Variants in RIT2 observed in about 807,000 individuals in gnomAD.
RIT2 encodes the protein Ras like without CAAX 2.
In RIT2, 24 loss-of-function variants were observed where a neutral mutation model predicts 23.7. That is an observed-to-expected ratio of 1.01 (90% CI 0.73 to 1.43). RIT2 has a LOEUF of 1.43. Among genes scored for constraint, RIT2 ranks in the 40% most tolerant of loss-of-function variants. RIT2 has a pLI of 0.00. For synonymous variants in RIT2, 107 were observed against 91.1 expected, an observed-to-expected ratio of 1.17 and a Z score of -0.99; for missense variants, 236 against 266.9, an observed-to-expected ratio of 0.88 and a Z score of 0.81.
rs1912493719 is a variant in RIT2 at position 43,055,997 on chromosome 18, T to C, written c.104-22130A>G. Among the ~76,000 whole-genome samples, 3 of 152,090 alleles carry C rather than the reference T, an allele frequency of 2.0e-5. No homozygotes were observed. In the South Asian group the frequency reaches 6.2e-4, roughly 32 times the overall value. On this transcript the variant is annotated intron_variant, in intron 1 of 4. Coordinates refer to ENST00000326695, the MANE Select transcript of RIT2 (RefSeq NM_002930.4). Reference sequence around the variant, plus strand: ...AATTCCACACCTAAGCCCTCAGTTTTTCTCTGAATTTTATTGGCTTCCATA... The same window carrying C: ...AATTCCACACCTAAGCCCTCAGTTTCTCTCTGAATTTTATTGGCTTCCATA...
At chr18:42,825,468 T>C (rs1906269422) in intron 4 of RIT2, among the ~76,000 whole-genome samples, 2 of 151,870 alleles carry the variant, frequency 1.3e-5, no homozygotes, top group South Asian at 4.1e-4. Flanking sequence ...GCATCCATAA[T>C]GTCCCCCAAA....
intron 4 of RIT2, among the ~76,000 whole-genome samples, chr18:42,881,763 C>A (rs144357967): frequency 2.6e-5 from 4 of 152,268 alleles, no homozygotes; most frequent in African/African-American, 4.8e-5. Context: ...TATTGCTTAG[C>A]ACTTTCAACA....
intron 4 of RIT2, among the ~76,000 whole-genome samples, chr18:42,913,641 A>G (rs1279914428): frequency 6.6e-6 from 1 of 152,066 alleles, no homozygotes; most frequent in Non-Finnish European, 1.5e-5. Context: ...TAATGATTTC[A>G]CTTATACATG....
intron 1 of RIT2, among the ~76,000 whole-genome samples, chr18:43,082,206 T>C (rs1913173445): frequency 6.6e-6 from 1 of 152,206 alleles, no homozygotes; most frequent in Non-Finnish European, 1.5e-5. Flanking sequence ...TATTCTGTAA[T>C]GTAGTTTTTA....
intron 3 of RIT2, 143 bp from the exon 4 acceptor site, chr18:42,923,906 G>T: frequency 1.5e-6 from 1 of 661,844 alleles, no homozygotes. Context: ...TCATTTATGA[G>T]ATCTTAGAAA....
intron 4 of RIT2, among the ~76,000 whole-genome samples, chr18:42,830,390 T>C (rs755832776): frequency 9.9e-5 from 15 of 152,148 alleles, no homozygotes; most frequent in Non-Finnish European, 1.8e-4. Context: ...GATAAGATGG[T>C]CAACATGGTC....
intron 4 of RIT2, among the ~76,000 whole-genome samples, chr18:42,786,787 C>A (rs1435794102): frequency 1.3e-5 from 2 of 152,132 alleles, no homozygotes; most frequent in South Asian, 4.1e-4. Context: ...AACCCATCAC[C>A]TTTCTTTCCA....
At chr18:42,820,005 A>G (rs952657558) in intron 4 of RIT2, among the ~76,000 whole-genome samples, 51 of 152,294 alleles carry the variant, frequency 3.3e-4, no homozygotes, top group African/African-American at 1.2e-3. Context: ...TAGGTTACTT[A>G]TAATACCAAT....
intron 1 of RIT2, among the ~76,000 whole-genome samples, chr18:43,094,743 C>T (rs991041442): frequency 1.3e-5 from 2 of 151,960 alleles, no homozygotes; most frequent in Non-Finnish European, 2.9e-5. Context: ...TGAGGTGGTA[C>T]ATTGTTTTAA....
intron 2 of RIT2, among the ~76,000 whole-genome samples, chr18:43,014,287 T>C (rs913613245): frequency 6.6e-6 from 1 of 151,688 alleles, no homozygotes. Context: ...AGGAGAGGCA[T>C]TGATATTAAG....
At chr18:42,819,360 G>T (rs1906085537) in intron 4 of RIT2, among the ~76,000 whole-genome samples, 1 of 151,906 alleles carries the variant, frequency 6.6e-6, no homozygotes, top group African/African-American at 2.4e-5. Flanking sequence ...AACATGTAAG[G>T]GATATGTCAA....
chr18:42,853,986 C>T (rs1220585238), intron 4 of RIT2, among the ~76,000 whole-genome samples: 1 of 152,022 alleles, frequency 6.6e-6, no homozygotes, highest in East Asian at 1.9e-4. Context: ...CTTTCTCTGC[C>T]TTCTCTTATT....
chr18:43,065,391 C>T (rs190265918), intron 1 of RIT2, among the ~76,000 whole-genome samples: 1 of 152,026 alleles, frequency 6.6e-6, no homozygotes, highest in East Asian at 1.9e-4. Flanking sequence ...CCACCAACAT[C>T]GGCTATCATT....
At chr18:43,033,251 A>G (rs1911899391) in intron 2 of RIT2, among the ~76,000 whole-genome samples, 1 of 152,140 alleles carries the variant, frequency 6.6e-6, no homozygotes, top group East Asian at 1.9e-4. Flanking sequence ...GTATATTATG[A>G]CAGAAAGAAA....
At chr18:42,981,122 C>T (rs1298594592) in intron 2 of RIT2, among the ~76,000 whole-genome samples, 1 of 152,006 alleles carries the variant, frequency 6.6e-6, no homozygotes, top group Non-Finnish European at 1.5e-5. Flanking sequence ...TTTGTGTCTG[C>T]CTCACTTAAT....
intron 1 of RIT2, among the ~76,000 whole-genome samples, chr18:43,051,824 C>A (rs1393012142): frequency 1.3e-5 from 2 of 152,112 alleles, no homozygotes; most frequent in East Asian, 1.9e-4. Flanking sequence ...AAATGTTTAA[C>A]TTTTAACTTT....
At chr18:43,084,496 C>T (rs1306066432) in intron 1 of RIT2, among the ~76,000 whole-genome samples, 3 of 152,074 alleles carry the variant, frequency 2.0e-5, no homozygotes, top group Admixed American at 1.3e-4. Flanking sequence ...AAATGCCCAT[C>T]GATTATAGAC....
intron 4 of RIT2, among the ~76,000 whole-genome samples, chr18:42,865,880 T>C (rs761508742): frequency 1.3e-5 from 2 of 152,170 alleles, no homozygotes; most frequent in Non-Finnish European, 2.9e-5. Flanking sequence ...TTCCCAAATG[T>C]TTTACCAATG....
chr18:42,968,501 A>G (rs1300741717), intron 3 of RIT2, among the ~76,000 whole-genome samples: 1 of 152,174 alleles, frequency 6.6e-6, no homozygotes, highest in Non-Finnish European at 1.5e-5. Flanking sequence ...ATCAAAGGGT[A>G]TGCTTAGTTC....
Sources: gnomAD v4.1 joint callset for allele counts (sites outside exome capture counted in the v4.1 genomes callset) on GRCh38, gnomAD v4.1.1 for gene constraint, MANE v1.5 for transcripts, NCBI Gene and HGNC (gene_info 2026-07-23, HGNC 2026-07-21) for gene names.